TOX: variants seen among roughly 807,000 people sequenced by gnomAD.
TOX encodes thymocyte selection-associated high mobility group box protein TOX.
TOX carries 11 observed loss-of-function variants against 53.7 expected under a neutral mutation model. That is an observed-to-expected ratio of 0.20 (90% confidence interval 0.13 to 0.34). TOX has a LOEUF of 0.34. Ranked by LOEUF, TOX falls within the 10% of genes least tolerant of loss-of-function variation. The pLI is 1.00. For synonymous variants in TOX, 225 were observed against 245.3 expected, an observed-to-expected ratio of 0.92 and a Z score of 0.77; for missense variants, 570 against 664.6, an observed-to-expected ratio of 0.86 and a Z score of 1.56.
intron 1 of TOX, among the ~76,000 whole-genome samples, chr8:59,103,740 T>C (rs1202630311): frequency 6.6e-6 from 1 of 152,206 alleles, no homozygotes; most frequent in African/African-American, 2.4e-5. Context: ...CTGAATATGT[T>C]TGGACACTTT....
At chr8:58,808,792 A>G (rs958631672) in intron 7 of TOX, among the ~76,000 whole-genome samples, 5 of 152,084 alleles carry the variant, frequency 3.3e-5, no homozygotes, top group African/African-American at 1.2e-4. Flanking sequence ...TTTTATTTGT[A>G]TTTCTCTCTC....
At chr8:59,004,204 C>A (rs1012905246) in intron 1 of TOX, among the ~76,000 whole-genome samples, 1 of 152,166 alleles carries the variant, frequency 6.6e-6, no homozygotes, top group Non-Finnish European at 1.5e-5. Flanking sequence ...GTTTATACAG[C>A]TGAGAGATAA....
At chr8:58,989,616 T>C (rs1813403792) in intron 1 of TOX, among the ~76,000 whole-genome samples, 2 of 152,210 alleles carry the variant, frequency 1.3e-5, no homozygotes, top group African/African-American at 4.8e-5. Context: ...CTATTTCACT[T>C]GCATCTCATT....
intron 1 of TOX, among the ~76,000 whole-genome samples, chr8:59,003,161 C>T (rs1338065557): frequency 6.6e-6 from 1 of 152,072 alleles, no homozygotes. Flanking sequence ...CACATTGACC[C>T]TTTTTCATGA....
At chr8:59,115,289 A>G (rs1372683843) in intron 1 of TOX, among the ~76,000 whole-genome samples, 1 of 152,226 alleles carries the variant, frequency 6.6e-6, no homozygotes, top group Non-Finnish European at 1.5e-5. Flanking sequence ...ATACTGAGCA[A>G]TAACTGAACA....
At chr8:58,903,612 T>C (rs969728277) in intron 3 of TOX, among the ~76,000 whole-genome samples, 4 of 152,312 alleles carry the variant, frequency 2.6e-5, no homozygotes, top group Non-Finnish European at 4.4e-5. Context: ...CCAAGTTTAA[T>C]AAGGGATCTT....
chr8:58,896,715 C>A (rs370360054), intron 3 of TOX, among the ~76,000 whole-genome samples: 4 of 131,992 alleles, frequency 3.0e-5, no homozygotes, highest in Non-Finnish European at 5.3e-5. Flanking sequence ...AAAATAAAAA[C>A]AAAAAATCCT....
chr8:59,023,360 T>G (rs1814172811), intron 1 of TOX, among the ~76,000 whole-genome samples: 1 of 152,242 alleles, frequency 6.6e-6, no homozygotes, highest in Non-Finnish European at 1.5e-5. Context: ...ACTCTATGAC[T>G]CTAATTTTCA....
rs67045037 is a variant in TOX at position 58,965,894 on chromosome 8, G to GTTTTTTT, written c.103-5893_103-5887dup. Among the ~76,000 whole-genome samples the GTTTTTTT allele has an allele frequency of 2.8e-3, 137 of 49,626 alleles. 38 individuals are homozygous for GTTTTTTT. Among genetic ancestry groups the GTTTTTTT allele is most frequent in the African/African-American group, 4.2e-3 (55 of 13,048 alleles). The allele number at this position is 49,626 out of a possible 152,430, so 32.6% of individuals were successfully genotyped here. On this transcript the variant is annotated intron_variant, in intron 1 of 8. Transcript: ENST00000361421. ...GCCCAGTATAAGATTACGAGTCATC[G>GTTTTTTT]TTTTTTTTTTTTTTTTTTTTTTTTT... is the stretch of plus-strand genomic sequence containing the variant.
At chr8:59,013,278 T>C (rs908264360) in intron 1 of TOX, among the ~76,000 whole-genome samples, 2 of 152,226 alleles carry the variant, frequency 1.3e-5, no homozygotes, top group African/African-American at 4.8e-5. Flanking sequence ...TGGATGTTAC[T>C]ACACCTACGC....
chr8:59,071,975 A>G (rs1199089805), intron 1 of TOX, among the ~76,000 whole-genome samples: 2 of 152,244 alleles, frequency 1.3e-5, no homozygotes, highest in Non-Finnish European at 2.9e-5. Context: ...AAAAATGAAC[A>G]TTAAAAATAT....
At chr8:58,950,947 T>C (rs1263781826) in intron 2 of TOX, among the ~76,000 whole-genome samples, 1 of 152,228 alleles carries the variant, frequency 6.6e-6, no homozygotes, top group Non-Finnish European at 1.5e-5. Flanking sequence ...CTTTTATATG[T>C]GCACAAGTAT....
rs1401396495 is a variant in TOX, at chr8:59,118,123, C to G, written c.102+763G>C. On this transcript the variant is annotated intron_variant, in intron 1 of 8. Transcript: ENST00000361421. This position sits in a 1 kb window ranked among gnomAD's most constrained non-coding sequence, Gnocchi z 4.1. ...CCCCCGCGGCCCTGGCACCCGAGGT[C>G]AGCGGGCCGTGGGTACAGCTCAGCC... Among the ~76,000 whole-genome samples the G allele has an allele frequency of 1.3e-5, 2 of 152,188 alleles. No individual in the cohort carries two copies. Among genetic ancestry groups the G allele is most frequent in the Non-Finnish European group, 2.9e-5 (2 of 68,022 alleles).
At chr8:58,876,076 T>G (rs1811278834) in intron 3 of TOX, among the ~76,000 whole-genome samples, 1 of 152,174 alleles carries the variant, frequency 6.6e-6, no homozygotes, top group Admixed American at 6.5e-5. Context: ...GGTATTAATA[T>G]TTGACTAATA....
At chr8:59,001,071 A>G (rs1269813247) in intron 1 of TOX, among the ~76,000 whole-genome samples, 2 of 152,194 alleles carry the variant, frequency 1.3e-5, no homozygotes, top group Non-Finnish European at 2.9e-5. Flanking sequence ...GTCTTTGCAC[A>G]GTAGAAATCT....
chr8:59,066,945 A>G (rs1339004808), intron 1 of TOX, among the ~76,000 whole-genome samples: 7 of 152,250 alleles, frequency 4.6e-5, no homozygotes, highest in Non-Finnish European at 1.5e-5. Flanking sequence ...ACTGGTAAAC[A>G]CATCAATATT....
At position 58,808,178 on chromosome 8, in the gene TOX, G is replaced by C; in HGVS notation, c.1484C>G (p.Ser495Trp). Residue 495 changes from serine (S) to tryptophan (W), a missense_variant, in exon 8 of 9, where the codon TCG (serine) becomes TGG (tryptophan). Coordinates refer to ENST00000361421, the MANE Select transcript of TOX (RefSeq NM_014729.3). ...VVTQAMEYVR[S>W]GCRNPPPQPV... ...TTGTGGGGGAGGATTTCTGCACCCC[G>C]AACGCACATACTCCATTGCCTGGGT... The C allele has an allele frequency of 6.2e-7, 1 of 1,614,120 alleles. No homozygotes were observed. Among genetic ancestry groups the C allele is most frequent in the Non-Finnish European group, 8.5e-7 (1 of 1,180,000 alleles).
intron 1 of TOX, among the ~76,000 whole-genome samples, chr8:59,085,439 A>C (rs1267574200): frequency 2.0e-5 from 3 of 151,068 alleles, no homozygotes; most frequent in Non-Finnish European, 2.9e-5. Flanking sequence ...TCCAGGCTGG[A>C]GTGCAGTGGC....
intron 3 of TOX, among the ~76,000 whole-genome samples, chr8:58,927,796 C>T (rs900917471): frequency 2.6e-5 from 4 of 152,138 alleles, no homozygotes; most frequent in Non-Finnish European, 5.9e-5. Flanking sequence ...CGGAGGGCTT[C>T]AGATGCACAG....
Sources: gnomAD v4.1 joint callset for allele counts (sites outside exome capture counted in the v4.1 genomes callset) on GRCh38, gnomAD v4.1.1 for gene constraint, Gnocchi (gnomAD v3.1) non-coding constraint, MANE v1.5 for transcripts, NCBI Gene and HGNC (gene_info 2026-07-23, HGNC 2026-07-21) for gene names.